The following GRIA1 variants were observed in gnomAD, a reference collection of about 807,000 sequenced individuals.
The protein encoded by GRIA1 is glutamate receptor 1.
In GRIA1, 31 loss-of-function variants were observed where a neutral mutation model predicts 99.2. That is an observed-to-expected ratio of 0.31 (90% CI 0.23 to 0.42). The LOEUF (loss-of-function observed/expected upper bound fraction) is 0.42, where lower values mean the gene tolerates loss of function less well. Among genes scored for constraint, GRIA1 ranks in the 10% least tolerant of loss-of-function variants. The probability of loss-of-function intolerance (pLI) is 1.00; values close to 1 mark genes in which losing one functional copy is unlikely to be tolerated. For missense variants in GRIA1, 782 were observed against 1,157.5 expected (o/e 0.68, Z 4.71); for synonymous variants, 438 against 432.4 (o/e 1.01, Z -0.16).
Position 153,811,107 on chromosome 5 carries a change from G to A in GRIA1, c.2603G>A (p.Ser868Asn), listed in dbSNP as rs1339309685. The part of the protein sequence containing the change: ...TLPRNSGAGA[S>N]SGGSGENGRV... ...CCCCGCAACAGCGGGGCAGGAGCCA[G>A]CAGCGGCGGCAGTGGAGAGAATGGT... is the stretch of plus-strand genomic sequence containing the variant. Residue 868 changes from serine (S) to asparagine (N), a missense_variant, in exon 16 of 16, where the codon AGC becomes AAC. Transcript: ENST00000285900. 6.2e-7 allele frequency: 1 copy of A among 1,614,034 alleles called. No individual in the cohort carries two copies. The highest frequency in any genetic ancestry group is 1.1e-5 in the South Asian group (1 of 91,076).
intron 2 of GRIA1, among the ~76,000 whole-genome samples, chr5:153,579,242 A>G (rs1298738104): frequency 6.6e-6 from 1 of 152,218 alleles, no homozygotes; most frequent in Non-Finnish European, 1.5e-5. Context: ...AAATGCTTTG[A>G]AAACCCTATG....
chr5:153,745,848 T>C (rs951082445), intron 11 of GRIA1, among the ~76,000 whole-genome samples: 6 of 152,054 alleles, frequency 3.9e-5, no homozygotes, highest in Admixed American at 1.3e-4. Context: ...TACAATCTGA[T>C]TTTTTTCACT....
intron 2 of GRIA1, among the ~76,000 whole-genome samples, chr5:153,496,417 G>C (rs1448257307): frequency 1.3e-5 from 2 of 152,210 alleles, no homozygotes; most frequent in Non-Finnish European, 2.9e-5. Flanking sequence ...ATACAGAGAT[G>C]ATAAAATGCC....
intron 5 of GRIA1, among the ~76,000 whole-genome samples, chr5:153,669,522 C>T (rs1214112510): frequency 1.3e-5 from 2 of 152,124 alleles, no homozygotes; most frequent in African/African-American, 4.8e-5. Context: ...CCCTGTCTTG[C>T]CACTGCTACT....
intron 11 of GRIA1, among the ~76,000 whole-genome samples, chr5:153,708,951 C>T (rs916968847): frequency 6.6e-6 from 1 of 152,112 alleles, no homozygotes; most frequent in African/African-American, 2.4e-5. Context: ...CTTGGTTAAC[C>T]CCAGAGTTTA....
At chr5:153,690,222 A>T (rs1290649140) in intron 8 of GRIA1, among the ~76,000 whole-genome samples, 5 of 151,976 alleles carry the variant, frequency 3.3e-5, no homozygotes, top group Non-Finnish European at 5.9e-5. Context: ...ACTGGCAACT[A>T]CTAAGGAAAG....
At chr5:153,773,644 T>G (rs770520117) in intron 13 of GRIA1, among the ~76,000 whole-genome samples, 1 of 152,156 alleles carries the variant, frequency 6.6e-6, no homozygotes, top group Non-Finnish European at 1.5e-5. Flanking sequence ...TACATCTCTG[T>G]AAACACATAA....
At chr5:153,657,617 A>T (rs973746489) in intron 5 of GRIA1, among the ~76,000 whole-genome samples, 6 of 152,188 alleles carry the variant, frequency 3.9e-5, no homozygotes, top group African/African-American at 1.4e-4. Flanking sequence ...AGGGTGCATG[A>T]ATCTAAAAAT....
intron 2 of GRIA1, among the ~76,000 whole-genome samples, chr5:153,505,635 G>C (rs986999807): frequency 6.6e-6 from 1 of 152,218 alleles, no homozygotes; most frequent in South Asian, 2.1e-4. Flanking sequence ...AATTGGAAAT[G>C]GTTTGTTTTG....
intron 11 of GRIA1, among the ~76,000 whole-genome samples, chr5:153,748,685 G>A (rs1178315575): frequency 6.6e-6 from 1 of 152,120 alleles, no homozygotes; most frequent in Non-Finnish European, 1.5e-5. Flanking sequence ...GACTGGATGG[G>A]CTGGATGTGT....
At chr5:153,738,195 G>A (rs1761526093) in intron 11 of GRIA1, among the ~76,000 whole-genome samples, 1 of 152,200 alleles carries the variant, frequency 6.6e-6, no homozygotes. Flanking sequence ...ATTGTCCAGG[G>A]AAGTCTGGTA....
At chr5:153,768,556 G>C (rs1234524334) in intron 12 of GRIA1, among the ~76,000 whole-genome samples, 1 of 152,220 alleles carries the variant, frequency 6.6e-6, no homozygotes, top group East Asian at 1.9e-4. Context: ...AGTTTTAATA[G>C]CAACTATTTC....
chr5:153,793,598 T>G (rs530239976), intron 13 of GRIA1, among the ~76,000 whole-genome samples: 10 of 152,346 alleles, frequency 6.6e-5, no homozygotes, highest in African/African-American at 2.2e-4. Flanking sequence ...CTGTGGCTCA[T>G]GCACCAATGG....
chr5:153,620,349 A>G (rs1288634751), intron 2 of GRIA1, among the ~76,000 whole-genome samples: 3 of 151,426 alleles, frequency 2.0e-5, no homozygotes, highest in East Asian at 1.9e-4. Context: ...CTGAGATTCT[A>G]CTTGAGACAA....
Position 153,494,212 on chromosome 5 carries a change from C to T in GRIA1, c.220+147C>T, listed in dbSNP as rs968350436. The T allele has an allele frequency of 4.6e-5, 34 of 739,310 alleles. No homozygotes were observed. The African/African-American group carries it at 5.6e-4, about 12-fold the overall frequency. The allele number at this position is 739,310 out of a possible 1,614,324, so 45.8% of individuals were successfully genotyped here. A position where few individuals can be genotyped will look rare whatever the true frequency, so the allele number is the denominator to read the frequency against. ...GCCCTCCAAGAAAAATTTCTAGAGGCTTCTGAGTGATTCCAGCAGTTGGCA... is the reference window on the plus strand; with the variant it reads ...GCCCTCCAAGAAAAATTTCTAGAGGTTTCTGAGTGATTCCAGCAGTTGGCA... On this transcript the variant is annotated intron_variant, in intron 2 of 15. Coordinates refer to ENST00000285900, the MANE Select transcript of GRIA1 (RefSeq NM_000827.4).
chr5:153,702,575 G>C (rs752441219), intron 10 of GRIA1, among the ~76,000 whole-genome samples: 1 of 152,166 alleles, frequency 6.6e-6, no homozygotes, highest in Non-Finnish European at 1.5e-5. Context: ...TAGACATCAC[G>C]TATTTTGTTT....
chr5:153,510,497 A>T (rs1755958495), intron 2 of GRIA1, among the ~76,000 whole-genome samples: 1 of 152,170 alleles, frequency 6.6e-6, no homozygotes, highest in South Asian at 2.1e-4. Flanking sequence ...GAGAACAGAA[A>T]GGTTGGGGGT....
chr5:153,650,696 T>C (rs1328214514), intron 4 of GRIA1, among the ~76,000 whole-genome samples, 182 bp downstream of exon 4: 2 of 151,746 alleles, frequency 1.3e-5, no homozygotes, highest in Admixed American at 6.6e-5. Context: ...GCACAAACAA[T>C]GGGAGCCTTG....
intron 2 of GRIA1, among the ~76,000 whole-genome samples, chr5:153,528,510 C>T (rs1421953083): frequency 1.3e-5 from 2 of 152,168 alleles, no homozygotes; most frequent in African/African-American, 4.8e-5. Context: ...CTTGCAAGGC[C>T]AACCCCAGAA....
Sources: allele counts gnomAD v4.1 joint callset (sites outside exome capture counted in the v4.1 genomes callset), GRCh38; gene constraint gnomAD v4.1.1; transcripts MANE v1.5; gene names NCBI Gene and HGNC (gene_info 2026-07-23, HGNC 2026-07-21).